SHROOM4: variants seen among roughly 807,000 people sequenced by gnomAD.
SHROOM4 encodes shroom family member 4.
Under a neutral mutation model 80.3 loss-of-function variants are expected in SHROOM4, and 17 were observed. That is an observed-to-expected ratio of 0.21 (90% CI 0.14 to 0.32). The LOEUF is 0.32. Ranked by LOEUF, SHROOM4 falls within the 10% of genes least tolerant of loss-of-function variation. The pLI, the probability that SHROOM4 is intolerant of heterozygous loss-of-function variation, is 1.00. For synonymous variants in SHROOM4, 400 were observed against 437.5 expected, an observed-to-expected ratio of 0.91 and a Z score of 1.07; for missense variants, 993 against 1,140.3, an observed-to-expected ratio of 0.87 and a Z score of 1.86.
rs903080977 is a variant in SHROOM4 at position 50,589,906 on chromosome X, G to A, written c.*6789C>T. Among the ~76,000 whole-genome samples the A allele has an allele frequency of 2.7e-5, 3 of 112,274 alleles. No homozygotes were observed. Among genetic ancestry groups the A allele is most frequent in the Non-Finnish European group, 5.6e-5 (3 of 53,277 alleles). ...TTACATCCCCATCAGCAATGTATGA[G>A]TGTTCCAATTTCTTCATTTCCTCAC... On this transcript the variant is annotated 3_prime_UTR_variant, in exon 9 of 9. Transcript: ENST00000376020.
chrX:50,804,453 C>A (rs1557272884), intron 1 of SHROOM4, among the ~76,000 whole-genome samples: 1 of 112,252 alleles, frequency 8.9e-6, no homozygotes, highest in Non-Finnish European at 1.9e-5. Context: ...TCATTTCCCT[C>A]ATTTCCCTCC....
At chrX:50,713,659 C>G (rs1933877429) in intron 1 of SHROOM4, among the ~76,000 whole-genome samples, 1 of 111,725 alleles carries the variant, frequency 9.0e-6, no homozygotes, top group East Asian at 2.8e-4. Flanking sequence ...AAAAATAACC[C>G]TAAGGTTCAC....
intron 1 of SHROOM4, among the ~76,000 whole-genome samples, chrX:50,810,198 C>G (rs1936303283): frequency 1.8e-5 from 2 of 110,722 alleles, no homozygotes; most frequent in African/African-American, 6.6e-5. Context: ...GGGTACTATA[C>G]AAGTGTCCAT....
intron 1 of SHROOM4, among the ~76,000 whole-genome samples, chrX:50,773,788 T>C (rs1460860536): frequency 1.8e-5 from 2 of 112,585 alleles, no homozygotes; most frequent in Non-Finnish European, 3.8e-5. Flanking sequence ...TTAAACTATG[T>C]CTGACTGACA....
In SHROOM4 at chrX:50,590,410, C is replaced by A. The variant is rs1265795026; in HGVS notation, c.*6285G>T. Reference sequence around the variant, plus strand: ...TACAGGCACCTGCCACCATGCCCTGCTAATTTTTTTGTATTTTTTTTAGTA... The same window carrying A: ...TACAGGCACCTGCCACCATGCCCTGATAATTTTTTTGTATTTTTTTTAGTA... On this transcript the variant is annotated 3_prime_UTR_variant, in exon 9 of 9. Transcript: ENST00000376020. Among the ~76,000 whole-genome samples the A allele has an allele frequency of 9.0e-6, 1 of 111,205 alleles. No individual in the cohort carries two copies. The highest frequency in any genetic ancestry group is 2.8e-4 in the East Asian group (1 of 3,527).
intron 2 of SHROOM4, among the ~76,000 whole-genome samples, chrX:50,656,866 C>G (rs1164571854): frequency 9.0e-6 from 1 of 111,199 alleles, no homozygotes; most frequent in Non-Finnish European, 1.9e-5. Context: ...AGTAATTCTT[C>G]TAACCCATGA....
At position 50,674,288 on chromosome X, in the gene SHROOM4, A is replaced by G. The variant is rs146249206; in HGVS notation, c.269+21498T>C. 3.2e-3 allele frequency among the ~76,000 whole-genome samples: 355 copies of G among 111,644 alleles called. 3 individuals are homozygous for G. The highest frequency in any genetic ancestry group is 0.011 in the African/African-American group (348 of 30,876). ...TAGGATAAAGCAATTGTGAAAAAGA[A>G]GAATAAAGTAAGAATCAATATACCC... On this transcript the variant is annotated intron_variant, in intron 2 of 8. Transcript: ENST00000376020.
chrX:50,606,069 T>A (rs1929651250), intron 6 of SHROOM4, among the ~76,000 whole-genome samples: 1 of 81,376 alleles, frequency 1.2e-5, no homozygotes, highest in Non-Finnish European at 2.5e-5. Context: ...TGGGATCTAA[T>A]GAAGGATTCT....
At chrX:50,717,152 G>A (rs1382109426) in intron 1 of SHROOM4, among the ~76,000 whole-genome samples, 1 of 111,961 alleles carries the variant, frequency 8.9e-6, no homozygotes, top group Non-Finnish European at 1.9e-5. Context: ...GAGAAAGGGT[G>A]CCAGAGGATT....
intron 2 of SHROOM4, among the ~76,000 whole-genome samples, chrX:50,661,387 G>T (rs1159764186): frequency 9.0e-6 from 1 of 110,948 alleles, no homozygotes; most frequent in South Asian, 3.8e-4. Context: ...TTGTAGAGAC[G>T]GGGTTTTGCC....
At chrX:50,755,207 C>A (rs1935012640) in intron 1 of SHROOM4, among the ~76,000 whole-genome samples, 1 of 112,172 alleles carries the variant, frequency 8.9e-6, no homozygotes, top group African/African-American at 3.2e-5. Context: ...GTGAAGTATT[C>A]AGTAATATCA....
At chrX:50,643,350 G>A (rs1434239040) in intron 2 of SHROOM4, 2 of 111,617 alleles carry the variant, frequency 1.8e-5, no homozygotes, top group African/African-American at 3.3e-5. Flanking sequence ...GGGAGAGAGC[G>A]GGGTATCCGG....
intron 1 of SHROOM4, among the ~76,000 whole-genome samples, chrX:50,712,693 A>G (rs782079180): frequency 9.2e-4 from 103 of 111,971 alleles, no homozygotes; most frequent in Admixed American, 2.5e-3. Flanking sequence ...TGGTGAAAAC[A>G]CTTGACTCAC....
intron 1 of SHROOM4, among the ~76,000 whole-genome samples, chrX:50,804,451 C>T (rs1490005446): frequency 1.8e-5 from 2 of 112,055 alleles, no homozygotes; most frequent in African/African-American, 6.5e-5. Context: ...TTTCATTTCC[C>T]TCATTTCCCT....
chrX:50,660,056 T>A (rs1557259814), intron 2 of SHROOM4, among the ~76,000 whole-genome samples: 1 of 112,402 alleles, frequency 8.9e-6, no homozygotes, highest in Non-Finnish European at 1.9e-5. Context: ...AATACCTTTT[T>A]ACATGTCTTC....
chrX:50,696,565 T>C (rs1933375647), intron 1 of SHROOM4, among the ~76,000 whole-genome samples: 1 of 112,289 alleles, frequency 8.9e-6, no homozygotes, highest in Non-Finnish European at 1.9e-5. Flanking sequence ...GGGAGTTGAC[T>C]CTGAAGACCT....
At chrX:50,735,540 A>G (rs1334494007) in intron 1 of SHROOM4, among the ~76,000 whole-genome samples, 1 of 111,757 alleles carries the variant, frequency 8.9e-6, no homozygotes, top group Non-Finnish European at 1.9e-5. Context: ...CCCACAGAAC[A>G]GGAGAATTTA....
intron 5 of SHROOM4, among the ~76,000 whole-genome samples, chrX:50,614,934 A>C (rs1262256922): frequency 8.9e-6 from 1 of 112,483 alleles, no homozygotes; most frequent in Non-Finnish European, 1.9e-5. Context: ...CTAAAATAAA[A>C]AAGCAGGATG....
intron 2 of SHROOM4, among the ~76,000 whole-genome samples, chrX:50,692,570 C>T (rs1730343440): frequency 9.0e-6 from 1 of 111,160 alleles, no homozygotes; most frequent in African/African-American, 3.3e-5. Context: ...TAGGAAGTTG[C>T]AAACATGGGA....
Sources: gnomAD v4.1 joint callset for allele counts (sites outside exome capture counted in the v4.1 genomes callset) on GRCh38, gnomAD v4.1.1 for gene constraint, MANE v1.5 for transcripts, NCBI Gene and HGNC (gene_info 2026-07-23, HGNC 2026-07-21) for gene names.